Variants in CTNNA3 observed in about 807,000 individuals in gnomAD.
The protein encoded by CTNNA3 is catenin alpha 3, also known as catenin alpha-3.
A neutral mutation model predicts 95.7 loss-of-function variants in CTNNA3; 76 were observed. The ratio of observed to expected loss-of-function variants is 0.79; its 90% CI spans 0.66 to 0.96. The LOEUF (loss-of-function observed/expected upper bound fraction) is 0.96, where lower values mean the gene tolerates loss of function less well. Ranked by LOEUF, CTNNA3 falls within the 40% of genes least tolerant of loss-of-function variation. The pLI is 0.00. For synonymous variants in CTNNA3, 431 were observed against 374.4 expected, an observed-to-expected ratio of 1.15 and a Z score of -1.74; for missense variants, 1,191 against 1,089.8, an observed-to-expected ratio of 1.09 and a Z score of -1.31.
chr10:66,416,923 C>G (rs1161810589), intron 11 of CTNNA3, among the ~76,000 whole-genome samples: 2 of 151,914 alleles, frequency 1.3e-5, no homozygotes, highest in Non-Finnish European at 2.9e-5. Flanking sequence ...CAAATACTAT[C>G]CCTACAGATA....
At chr10:66,568,120 A>C (rs1383728990) in intron 10 of CTNNA3, among the ~76,000 whole-genome samples, 1 of 152,232 alleles carries the variant, frequency 6.6e-6, no homozygotes, top group Non-Finnish European at 1.5e-5. Context: ...TTCTAACAGA[A>C]GAACAGACAA....
At chr10:66,763,013 C>T (rs1239574361) in intron 9 of CTNNA3, among the ~76,000 whole-genome samples, 1 of 152,008 alleles carries the variant, frequency 6.6e-6, no homozygotes, top group East Asian at 1.9e-4. Context: ...CGTGCTATGT[C>T]AAATTGCCCA....
intron 13 of CTNNA3, among the ~76,000 whole-genome samples, chr10:66,189,625 TAC>T (rs1219028662): frequency 2.2e-5 from 3 of 133,870 alleles, no homozygotes; most frequent in African/African-American, 8.5e-5. Flanking sequence ...TATACACACA[TAC>T]ACACACATAT....
At chr10:66,500,297 A>G (rs2131962365) in intron 11 of CTNNA3, among the ~76,000 whole-genome samples, 1 of 152,316 alleles carries the variant, frequency 6.6e-6, no homozygotes, top group African/African-American at 2.4e-5. Context: ...TTAATAAAGT[A>G]TTTTAATTAA....
chr10:66,833,874 C>T (rs912093566), intron 7 of CTNNA3, among the ~76,000 whole-genome samples: 1 of 152,162 alleles, frequency 6.6e-6, no homozygotes, highest in Admixed American at 6.6e-5. Context: ...CACACACACA[C>T]CAGCTTGCTA....
In CTNNA3 at chr10:66,675,842, T is replaced by C. The variant is rs560383404; in HGVS notation, c.1282-54058A>G. On this transcript the variant is annotated intron_variant, in intron 9 of 17. Transcript: ENST00000433211. ...TACATGAAAATAAGATTTCAATCCC[T>C]GTGGCTATGACAGAATATTTGGGAG... is the stretch of plus-strand genomic sequence containing the variant. 5.9e-5 allele frequency among the ~76,000 whole-genome samples: 9 copies of C among 152,236 alleles called. No individual in the cohort carries two copies. In the South Asian group the frequency reaches 1.7e-3, roughly 28 times the overall value.
At chr10:66,766,168 G>C in intron 9 of CTNNA3, 96 bp downstream of exon 9, 2 of 1,280,444 alleles carry the variant, frequency 1.6e-6, no homozygotes, top group East Asian at 2.3e-5. Context: ...GTAACACGGT[G>C]TCAAAAGTTT....
chr10:66,970,684 T>G (rs1448011164), intron 7 of CTNNA3, among the ~76,000 whole-genome samples: 2 of 152,130 alleles, frequency 1.3e-5, no homozygotes, highest in Non-Finnish European at 2.9e-5. Flanking sequence ...TGACACTATT[T>G]TCACATAGCC....
chr10:67,175,684 G>GTCATGT (rs776935351), intron 7 of CTNNA3, among the ~76,000 whole-genome samples: 3 of 152,048 alleles, frequency 2.0e-5, no homozygotes, highest in Admixed American at 6.6e-5. Flanking sequence ...ATCCCCTATA[G>GTCATGT]TCATGTATCA....
At chr10:67,424,147 G>A (rs556385508) in intron 5 of CTNNA3, among the ~76,000 whole-genome samples, 2 of 152,224 alleles carry the variant, frequency 1.3e-5, no homozygotes, top group Admixed American at 6.5e-5. Flanking sequence ...GTAGGTGTGC[G>A]ACTGATGAGG....
At chr10:66,222,881 T>C (rs1425922239) in intron 13 of CTNNA3, among the ~76,000 whole-genome samples, 4 of 152,174 alleles carry the variant, frequency 2.6e-5, no homozygotes, top group Non-Finnish European at 4.4e-5. Flanking sequence ...ATAAGGTTAT[T>C]CTCTTCTAGA....
chr10:66,444,027 GC>G (rs2093397459), intron 11 of CTNNA3, among the ~76,000 whole-genome samples: 1 of 152,122 alleles, frequency 6.6e-6, no homozygotes, highest in Non-Finnish European at 1.5e-5. Context: ...CGTGAAGAAC[GC>G]AGAAGCCTCA....
At chr10:67,327,766 C>A (rs1026007971) in intron 5 of CTNNA3, among the ~76,000 whole-genome samples, 1 of 152,210 alleles carries the variant, frequency 6.6e-6, no homozygotes, top group Non-Finnish European at 1.5e-5. Flanking sequence ...TGGCAGGTGC[C>A]AGGATGCCTG....
chr10:67,223,860 G>A (rs971201416), intron 5 of CTNNA3, among the ~76,000 whole-genome samples: 1 of 152,134 alleles, frequency 6.6e-6, no homozygotes, highest in African/African-American at 2.4e-5. Flanking sequence ...AACTAAAATA[G>A]AGTTACCCAC....
chr10:65,981,292 G>A (rs2078314277), intron 16 of CTNNA3, among the ~76,000 whole-genome samples: 2 of 151,912 alleles, frequency 1.3e-5, no homozygotes, highest in Non-Finnish European at 2.9e-5. Flanking sequence ...ACCTAACCAA[G>A]GAGGTGAAAG....
At chr10:66,280,100 C>T (rs1389919983) in intron 13 of CTNNA3, among the ~76,000 whole-genome samples, 2 of 151,938 alleles carry the variant, frequency 1.3e-5, no homozygotes, top group Admixed American at 6.6e-5. Context: ...AATTCCACTA[C>T]AGTGATAAGA....
At chr10:67,461,649 G>A (rs1589314710) in intron 5 of CTNNA3, among the ~76,000 whole-genome samples, 1 of 146,946 alleles carries the variant, frequency 6.8e-6, no homozygotes. Flanking sequence ...GCCAAATAAA[G>A]AAATCATAAG....
At chr10:66,860,425 T>G (rs916138009) in intron 7 of CTNNA3, among the ~76,000 whole-genome samples, 3 of 152,154 alleles carry the variant, frequency 2.0e-5, no homozygotes, top group Non-Finnish European at 4.4e-5. Flanking sequence ...TTATTAAATC[T>G]TAATATATTG....
intron 5 of CTNNA3, among the ~76,000 whole-genome samples, chr10:67,352,081 A>G (rs368845691): frequency 1.6e-4 from 24 of 152,158 alleles, no homozygotes; most frequent in Middle Eastern, 3.4e-3. Context: ...TGCACAAACT[A>G]GCAGGGGATA....
Sources: gnomAD v4.1 joint callset for allele counts (sites outside exome capture counted in the v4.1 genomes callset) on GRCh38, gnomAD v4.1.1 for gene constraint, MANE v1.5 for transcripts, NCBI Gene and HGNC (gene_info 2026-07-23, HGNC 2026-07-21) for gene names.